Variants in TRPC7 observed in about 807,000 individuals in gnomAD.
The protein encoded by TRPC7 is short transient receptor potential channel 7.
A neutral mutation model predicts 90.1 loss-of-function variants in TRPC7; 42 were observed. The ratio of observed to expected loss-of-function variants is 0.47; its 90% CI spans 0.36 to 0.60. The LOEUF (loss-of-function observed/expected upper bound fraction) is 0.60, where lower values mean the gene tolerates loss of function less well. Ranked by LOEUF, TRPC7 falls within the 20% of genes least tolerant of loss-of-function variation. The pLI is 0.00. For synonymous variants in TRPC7, 451 were observed against 436.3 expected (o/e 1.03, Z -0.42); for missense variants, 955 against 1,112.3 (o/e 0.86, Z 2.01).
intron 3 of TRPC7, among the ~76,000 whole-genome samples, chr5:136,286,166 C>A (rs146055593): frequency 2.0e-5 from 3 of 152,272 alleles, no homozygotes; most frequent in East Asian, 3.9e-4. Flanking sequence ...GATTCCACAG[C>A]GTACCCCCAC....
chr5:136,309,669 G>C (rs1427940950), intron 3 of TRPC7, among the ~76,000 whole-genome samples: 1 of 152,206 alleles, frequency 6.6e-6, no homozygotes, highest in Non-Finnish European at 1.5e-5. Flanking sequence ...TCCCAAAGCC[G>C]AGTGACCCTC....
chr5:136,337,856 T>C (rs1490243134), intron 2 of TRPC7, among the ~76,000 whole-genome samples: 1 of 152,126 alleles, frequency 6.6e-6, no homozygotes, highest in East Asian at 1.9e-4. Context: ...CCCAAACCAC[T>C]GTTTTCAAAG....
chr5:136,256,471 TCC>T (rs1200096246), intron 5 of TRPC7, among the ~76,000 whole-genome samples: 1 of 152,158 alleles, frequency 6.6e-6, no homozygotes, highest in Non-Finnish European at 1.5e-5. Context: ...TGGATGTCTT[TCC>T]AGTGCCAATA....
intron 3 of TRPC7, among the ~76,000 whole-genome samples, chr5:136,311,210 A>C (rs551953061): frequency 4.6e-5 from 7 of 152,240 alleles, no homozygotes; most frequent in African/African-American, 1.4e-4. Flanking sequence ...GATCCTCATT[A>C]AGGCAGAGTG....
At chr5:136,344,680 A>G (rs942810508) in intron 2 of TRPC7, among the ~76,000 whole-genome samples, 1 of 152,180 alleles carries the variant, frequency 6.6e-6, no homozygotes, top group Admixed American at 6.5e-5. Flanking sequence ...TGCTGTGTTC[A>G]CTGAACCTAG....
intron 4 of TRPC7, among the ~76,000 whole-genome samples, chr5:136,269,696 C>T (rs1216560093): frequency 1.3e-5 from 2 of 152,216 alleles, no homozygotes; most frequent in African/African-American, 4.8e-5. Context: ...AAGAATCATG[C>T]ACAGCTTCGG....
intron 1 of TRPC7, among the ~76,000 whole-genome samples, chr5:136,360,871 C>T (rs910639980): frequency 2.6e-5 from 4 of 152,172 alleles, no homozygotes; most frequent in Non-Finnish European, 5.9e-5. Context: ...CTCTGACTCC[C>T]TCTTACCCTA....
chr5:136,213,421 G>A lies in TRPC7; in HGVS notation c.*14C>T, dbSNP rs759737471. 3.3e-5 allele frequency: 54 copies of A among 1,612,282 alleles called. No individual in the cohort carries two copies. The highest frequency in any genetic ancestry group is 3.3e-4 in the Middle Eastern group (2 of 6,042). On this transcript the variant is annotated 3_prime_UTR_variant, in exon 12 of 12. Coordinates refer to ENST00000513104, the MANE Select transcript of TRPC7 (RefSeq NM_020389.3). ...TGGAATGCTGGTAGAAGTCACAGACGCCGATGTGGGCTGCTAAATGTCTTT... is the reference window on the plus strand; with the variant it reads ...TGGAATGCTGGTAGAAGTCACAGACACCGATGTGGGCTGCTAAATGTCTTT...
intron 3 of TRPC7, among the ~76,000 whole-genome samples, chr5:136,301,545 T>C (rs1758388171): frequency 6.6e-6 from 1 of 152,108 alleles, no homozygotes; most frequent in Non-Finnish European, 1.5e-5. Flanking sequence ...CAATGTACTT[T>C]GTAATCTCCC....
intron 3 of TRPC7, among the ~76,000 whole-genome samples, chr5:136,303,144 G>A (rs1758463738): frequency 6.6e-6 from 1 of 152,168 alleles, no homozygotes; most frequent in South Asian, 2.1e-4. Flanking sequence ...TAAAGGCATA[G>A]TCAAGGTTAA....
chr5:136,362,542 A>C (rs1367429437), intron 1 of TRPC7, among the ~76,000 whole-genome samples: 2 of 152,174 alleles, frequency 1.3e-5, no homozygotes, highest in African/African-American at 2.4e-5. Context: ...TATCATTTTA[A>C]GTTCTCACAA....
At chr5:136,241,615 A>G (rs1756167847) in intron 7 of TRPC7, among the ~76,000 whole-genome samples, 1 of 151,358 alleles carries the variant, frequency 6.6e-6, no homozygotes, top group South Asian at 2.1e-4. Flanking sequence ...CAGTGCAGTG[A>G]CACAATCTCG....
intron 3 of TRPC7, among the ~76,000 whole-genome samples, chr5:136,300,329 G>A (rs1758332960): frequency 6.6e-6 from 1 of 152,136 alleles, no homozygotes; most frequent in African/African-American, 2.4e-5. Flanking sequence ...TGGATATGGG[G>A]CAGCAACTCA....
chr5:136,343,187 C>T (rs2087173613), intron 2 of TRPC7, among the ~76,000 whole-genome samples: 1 of 152,164 alleles, frequency 6.6e-6, no homozygotes, highest in South Asian at 2.1e-4. Context: ...TTCTTCATAA[C>T]CTTAAGTGGG....
intron 4 of TRPC7, among the ~76,000 whole-genome samples, chr5:136,269,465 A>G (rs1212584087): frequency 6.6e-6 from 1 of 152,202 alleles, no homozygotes; most frequent in Non-Finnish European, 1.5e-5. Context: ...CCTAAGCGGT[A>G]CCTGGATGTG....
Position 136,247,721 on chromosome 5 carries a change from A to G in TRPC7, c.1594T>C (p.Trp532Arg), listed in dbSNP as rs746044605. 2 of 1,612,466 alleles carry G rather than the reference A, an allele frequency of 1.2e-6. No individual in the cohort carries two copies. The highest frequency in any genetic ancestry group is 1.3e-5 in the African/African-American group (1 of 75,000). ...AYFTYARDKWWPSDPQIISEG... is the reference protein window; with the variant it reads ...AYFTYARDKWRPSDPQIISEG... The stretch of plus-strand genomic sequence containing the variant: ...GATATGATCTGAGGGTCTGAAGGCC[A>G]CCACTTGTCCCTGGCTAAAAGAAAA... The change falls in exon 7 of 12, where the codon TGG becomes CGG. Residue 532 changes from tryptophan to arginine, a missense_variant. Physicochemically the swap from Trp to Arg is moderately radical, Grantham distance 101. Around this residue, in one of 4 missense-constraint regions of TRPC7, gnomAD observed 296 missense variants for 422.7 expected, o/e 0.70. Coordinates refer to ENST00000513104, the MANE Select transcript of TRPC7 (RefSeq NM_020389.3). The surrounding 1 kb of genome is among the most constrained non-coding windows in gnomAD (Gnocchi z 4.2).
intron 3 of TRPC7, among the ~76,000 whole-genome samples, chr5:136,289,529 C>T (rs890586662): frequency 8.5e-5 from 13 of 152,260 alleles, no homozygotes; most frequent in Non-Finnish European, 1.2e-4. Flanking sequence ...CCTATGCCCA[C>T]GGAGCCTTGC....
At chr5:136,325,513 A>G (rs1759319257) in intron 2 of TRPC7, among the ~76,000 whole-genome samples, 2 of 152,090 alleles carry the variant, frequency 1.3e-5, no homozygotes, top group Non-Finnish European at 2.9e-5. Context: ...GGAATTTTCT[A>G]GTAGGTAGAT....
At chr5:136,272,300 A>G (rs1177534147) in intron 4 of TRPC7, among the ~76,000 whole-genome samples, 1 of 152,178 alleles carries the variant, frequency 6.6e-6, no homozygotes, top group Non-Finnish European at 1.5e-5. Flanking sequence ...CCTTTTGGGA[A>G]GACATGGTTT....
Sources: gnomAD v4.1 joint callset for allele counts (sites outside exome capture counted in the v4.1 genomes callset) on GRCh38, gnomAD v4.1.1 for gene constraint, gnomAD v4.1.1 regional missense constraint, Gnocchi (gnomAD v3.1) non-coding constraint, MANE v1.5 for transcripts, NCBI Gene and HGNC (gene_info 2026-07-23, HGNC 2026-07-21) for gene names.